Variants in MGAT4C observed in about 807,000 individuals in gnomAD.
MGAT4C encodes the protein MGAT4 family member C.
Under a neutral mutation model 40.1 loss-of-function variants are expected in MGAT4C, and 19 were observed. That is an observed-to-expected ratio of 0.47 (90% CI 0.33 to 0.70). The LOEUF is 0.70. MGAT4C is among the 30% of genes least tolerant of loss of function. The pLI is 0.02. For missense variants in MGAT4C, 491 were observed against 563.2 expected, an observed-to-expected ratio of 0.87 and a Z score of 1.30; for synonymous variants, 181 against 187.1, an observed-to-expected ratio of 0.97 and a Z score of 0.27.
intron 2 of MGAT4C, among the ~76,000 whole-genome samples, chr12:86,436,166 A>AT (rs1592845660): frequency 6.6e-6 from 1 of 151,674 alleles, no homozygotes; most frequent in Admixed American, 6.6e-5. Context: ...GGATGGAGAG[A>AT]TTTTTTCTTT....
chr12:86,796,744 A>G (rs768035949), intron 1 of MGAT4C, among the ~76,000 whole-genome samples: 2 of 151,978 alleles, frequency 1.3e-5, no homozygotes, highest in Non-Finnish European at 2.9e-5. Context: ...AGATTTAGTC[A>G]TTCCACAATA....
chr12:86,423,728 AACATT>A (rs1565752193), intron 3 of MGAT4C, among the ~76,000 whole-genome samples: 1 of 152,212 alleles, frequency 6.6e-6, no homozygotes, highest in Non-Finnish European at 1.5e-5. Context: ...TAATGTATTG[AACATT>A]ACATTACATT....
chr12:86,212,287 T>A (rs1950502989), intron 1 of MGAT4C, among the ~76,000 whole-genome samples: 1 of 152,206 alleles, frequency 6.6e-6, no homozygotes, highest in South Asian at 2.1e-4. Flanking sequence ...CAGAGGGTAT[T>A]ACATTGAACT....
chr12:86,767,906 TATC>T (rs1329753652), intron 1 of MGAT4C, among the ~76,000 whole-genome samples: 2 of 152,124 alleles, frequency 1.3e-5, no homozygotes, highest in Non-Finnish European at 2.9e-5. Context: ...CCACAGCCAA[TATC>T]ATATTGAATG....
At chr12:86,334,859 G>T (rs1954748751) in intron 3 of MGAT4C, among the ~76,000 whole-genome samples, 1 of 151,976 alleles carries the variant, frequency 6.6e-6, no homozygotes, top group Non-Finnish European at 1.5e-5. Flanking sequence ...AGAAGTTTTA[G>T]CAAATGCAGA....
intron 3 of MGAT4C, among the ~76,000 whole-genome samples, chr12:86,410,126 A>G (rs1206813283): frequency 6.6e-6 from 1 of 152,148 alleles, no homozygotes; most frequent in Non-Finnish European, 1.5e-5. Context: ...AGAATTACTG[A>G]TGAGGGACTA....
intron 1 of MGAT4C, among the ~76,000 whole-genome samples, chr12:86,830,667 G>A (rs920778286): frequency 1.3e-5 from 2 of 151,634 alleles, no homozygotes; most frequent in African/African-American, 4.8e-5. Flanking sequence ...GCCTATTTAA[G>A]ACCATGCTCT....
chr12:86,361,339 G>A (rs1955462965), intron 3 of MGAT4C, among the ~76,000 whole-genome samples: 1 of 152,164 alleles, frequency 6.6e-6, no homozygotes, highest in Admixed American at 6.5e-5. Context: ...ATTAATTCAA[G>A]ATGGATTAAA....
chr12:86,746,284 C>A (rs1208209980), intron 1 of MGAT4C, among the ~76,000 whole-genome samples: 1 of 151,620 alleles, frequency 6.6e-6, no homozygotes, highest in African/African-American at 2.4e-5. Context: ...TGTTTAAAAA[C>A]CTTTAGGGGC....
At chr12:86,166,180 G>A (rs1014174466) in intron 1 of MGAT4C, among the ~76,000 whole-genome samples, 2 of 152,126 alleles carry the variant, frequency 1.3e-5, no homozygotes, top group Non-Finnish European at 2.9e-5. Flanking sequence ...TAGAAGTATA[G>A]TCAACTGTAA....
rs552750546 is a variant in MGAT4C, at chr12:86,332,855, T to C, written c.-57+1210A>G. On this transcript the variant is annotated intron_variant, in intron 4 of 7. Coordinates refer to the MGAT4C transcript ENST00000548651. ...ACTGTGCTAAAAGAGGACAGGTTGATTAACATTTTTTTTGTTACAAACACT... is the reference window on the plus strand; with the variant it reads ...ACTGTGCTAAAAGAGGACAGGTTGACTAACATTTTTTTTGTTACAAACACT... 3.9e-5 allele frequency among the ~76,000 whole-genome samples: 6 copies of C among 151,922 alleles called. No individual in the cohort carries two copies. The South Asian group carries it at 1.0e-3, about 26-fold the overall frequency.
chr12:86,477,859 C>G (rs1293087602), intron 2 of MGAT4C, among the ~76,000 whole-genome samples: 1 of 151,984 alleles, frequency 6.6e-6, no homozygotes, highest in Non-Finnish European at 1.5e-5. Flanking sequence ...GGTTTTTTGT[C>G]CTTGCAATAG....
In MGAT4C at chr12:86,109,744, A is replaced by T. The variant is rs573054988; in HGVS notation, c.-56-60021T>A. Among the ~76,000 whole-genome samples the T allele has an allele frequency of 5.1e-3, 774 of 152,020 alleles. 4 individuals are homozygous for T. Among genetic ancestry groups the T allele is most frequent in the Middle Eastern group, 0.01 (3 of 294 alleles). Reference sequence around the variant, plus strand: ...CATGTGGCTAGTCACACATTTTTTTAAAAAAAGTGGTAGGCAAAATGTATG... The same window carrying T: ...CATGTGGCTAGTCACACATTTTTTTTAAAAAAGTGGTAGGCAAAATGTATG... On this transcript the variant is annotated intron_variant, in intron 1 of 4. Transcript: ENST00000611864.
In MGAT4C at chr12:86,600,277, G is replaced by A. The variant is rs565500132; in HGVS notation, c.-229+126932C>T. 1.8e-3 allele frequency among the ~76,000 whole-genome samples: 271 copies of A among 152,278 alleles called. 2 individuals are homozygous for A. The South Asian group carries it at 0.039, about 22-fold the overall frequency. ...CTGAAAGCCTATTAGTGTGACTGGA[G>A]CACAATGAAATAAGAAAGAAAGGCC... On this transcript the variant is annotated intron_variant, in intron 2 of 7. Coordinates refer to the MGAT4C transcript ENST00000548651.
chr12:86,308,602 T>C (rs1490330535), intron 4 of MGAT4C, among the ~76,000 whole-genome samples: 3 of 150,758 alleles, frequency 2.0e-5, no homozygotes, highest in Middle Eastern at 3.4e-3. Context: ...TACAGCCTAA[T>C]AGTGATGGTA....
chr12:86,510,980 A>G (rs1958571425), intron 2 of MGAT4C, among the ~76,000 whole-genome samples: 1 of 152,084 alleles, frequency 6.6e-6, no homozygotes, highest in South Asian at 2.1e-4. Flanking sequence ...TCAGCTCTGC[A>G]CCAAGCAGAC....
chr12:86,835,856 CACACACACACACAA>C (rs1278604129), intron 1 of MGAT4C, among the ~76,000 whole-genome samples: 1 of 151,136 alleles, frequency 6.6e-6, no homozygotes, highest in Non-Finnish European at 1.5e-5. Context: ...AACCCCCCTC[CACACACACACACAA>C]ACACACACAC....
chr12:86,123,598 T>C (rs1278297000), intron 1 of MGAT4C, among the ~76,000 whole-genome samples: 1 of 152,126 alleles, frequency 6.6e-6, no homozygotes, highest in Admixed American at 6.6e-5. Flanking sequence ...TGGTATGTAC[T>C]AGCTACTGTT....
intron 1 of MGAT4C, among the ~76,000 whole-genome samples, chr12:86,168,638 C>T (rs1196598404): frequency 1.3e-5 from 2 of 152,016 alleles, no homozygotes; most frequent in African/African-American, 4.8e-5. Flanking sequence ...GTTATTGAGA[C>T]AAATGGAGAA....
Sources: allele counts gnomAD v4.1 joint callset (sites outside exome capture counted in the v4.1 genomes callset), GRCh38; gene constraint gnomAD v4.1.1; transcripts MANE v1.5; gene names NCBI Gene and HGNC (gene_info 2026-07-23, HGNC 2026-07-21).